Variants in ZNF423 observed in about 807,000 individuals in gnomAD.
The protein encoded by ZNF423 is zinc finger protein 423.
A neutral mutation model predicts 95.8 loss-of-function variants in ZNF423; 12 were observed. That is an observed-to-expected ratio of 0.13 (90% CI 0.08 to 0.20). The LOEUF is 0.20. Among genes scored for constraint, ZNF423 ranks in the 10% least tolerant of loss-of-function variants. The pLI is 1.00. For missense variants in ZNF423, 1,316 were observed against 1,737.1 expected (o/e 0.76, Z 4.31); for synonymous variants, 749 against 711.9 (o/e 1.05, Z -0.83).
intron 2 of ZNF423, among the ~76,000 whole-genome samples, chr16:49,758,624 C>T (rs1027545347): frequency 6.6e-6 from 1 of 152,082 alleles, no homozygotes; most frequent in African/African-American, 2.4e-5. Context: ...CACCTGCAGT[C>T]CCAGCTACTA....
At chr16:49,579,433 G>A (rs1210370928) in intron 5 of ZNF423, among the ~76,000 whole-genome samples, 3 of 152,200 alleles carry the variant, frequency 2.0e-5, no homozygotes, top group South Asian at 2.1e-4. Flanking sequence ...CCTGTCAAGC[G>A]TCCACCCTGA....
intron 3 of ZNF423, among the ~76,000 whole-genome samples, chr16:49,675,088 T>C (rs1446925473): frequency 6.6e-6 from 1 of 152,208 alleles, no homozygotes; most frequent in Non-Finnish European, 1.5e-5. Flanking sequence ...TCATGCAACA[T>C]GACCAGGGTT....
chr16:49,725,118 G>A (rs1021308837), intron 3 of ZNF423, among the ~76,000 whole-genome samples: 1 of 152,166 alleles, frequency 6.6e-6, no homozygotes, highest in African/African-American at 2.4e-5. Flanking sequence ...GAGGACGAAT[G>A]GTAGAAAATA....
Position 49,636,112 on chromosome 16 carries a change from G to A in ZNF423, c.3064C>T (p.Arg1022Cys), listed in dbSNP as rs1972689401. 1.9e-6 allele frequency: 3 copies of A among 1,613,782 alleles called. No homozygotes were observed. Among genetic ancestry groups the A allele is most frequent in the African/African-American group, 2.7e-5 (2 of 74,932 alleles). ...CAGCGGAAGCCCGTGAGTGAGTTGC[G>A]CAGGTCAGGGTGCATCTGGCAGTGC... ...IEHCQMHPDL[R>C]NSLTGFRCVV... Residue 1022 changes from arginine to cysteine, a missense_variant, in exon 4 of 8, where the codon CGC becomes TGC. Physicochemically the swap from Arg to Cys is radical, Grantham distance 180. Around this residue, in one of 6 missense-constraint regions of ZNF423, gnomAD observed 620 missense variants for 775.6 expected, o/e 0.80. Transcript: ENST00000563137. The surrounding 1 kb of genome is among the most constrained non-coding windows in gnomAD (Gnocchi z 8.6).
At chr16:49,730,579 C>T (rs918603064) in intron 3 of ZNF423, 192 bp downstream of exon 3, 8 of 647,614 alleles carry the variant, frequency 1.2e-5, no homozygotes, top group South Asian at 4.0e-5. Flanking sequence ...TCCTGCCTGC[C>T]GGAAAGCTGT....
intron 2 of ZNF423, among the ~76,000 whole-genome samples, chr16:49,774,973 T>C (rs2034096420): frequency 6.6e-6 from 1 of 152,088 alleles, no homozygotes; most frequent in African/African-American, 2.4e-5. Context: ...AAGAAACCCA[T>C]TCAATTGCAC....
intron 5 of ZNF423, among the ~76,000 whole-genome samples, chr16:49,566,929 T>C (rs1369019869): frequency 6.6e-6 from 1 of 151,968 alleles, no homozygotes; most frequent in Non-Finnish European, 1.5e-5. Context: ...GGAGAGCCAT[T>C]TGTCCTAAAA....
intron 5 of ZNF423, among the ~76,000 whole-genome samples, chr16:49,605,922 A>G (rs1971522877): frequency 6.6e-6 from 1 of 152,210 alleles, no homozygotes; most frequent in South Asian, 2.1e-4. Context: ...TGTTTCCCCA[A>G]CCTCTACCTG....
Position 49,815,545 on chromosome 16 carries a change from C to G in ZNF423, c.41-25999G>C, listed in dbSNP as rs77582374. 6.2e-4 allele frequency among the ~76,000 whole-genome samples: 94 copies of G among 152,210 alleles called. 1 individual carries two copies. The highest frequency in any genetic ancestry group is 2.0e-3 in the African/African-American group (81 of 41,538). ...GACGGGTGCCAAGTCACACAGCAAA[C>G]AGGAGGCAGGGCTGGTCCAGGAGCT... On this transcript the variant is annotated intron_variant, in intron 1 of 7. Coordinates refer to ENST00000563137, the MANE Select transcript of ZNF423 (RefSeq NM_001379286.1).
intron 1 of ZNF423, among the ~76,000 whole-genome samples, chr16:49,848,981 A>G (rs2035274277): frequency 6.6e-6 from 1 of 152,220 alleles, no homozygotes; most frequent in African/African-American, 2.4e-5. Context: ...AGGGAGGGAC[A>G]GAAGATAGGG....
intron 7 of ZNF423, among the ~76,000 whole-genome samples, chr16:49,499,687 A>G (rs1967314037): frequency 6.6e-6 from 1 of 152,182 alleles, no homozygotes; most frequent in Non-Finnish European, 1.5e-5. Flanking sequence ...CAAAAGACCA[A>G]CGCAGGTGGC....
Position 49,626,181 on chromosome 16 carries a change from T to G in ZNF423, c.3590A>C (p.Asn1197Thr). ...AAATGCTCTCTTACCAATCATGTGG[T>G]TGGCAACGTGGATTTGGATCTCTCT... ...NEREIQIHVA[N>T]HMIEEGINHE... Residue 1197 changes from asparagine to threonine, a missense_variant, in exon 5 of 8, where the codon AAC becomes ACC. Asn to Thr is a moderately conservative substitution (Grantham distance 65). Coordinates refer to ENST00000563137, the MANE Select transcript of ZNF423 (RefSeq NM_001379286.1). 1 of 1,614,014 alleles carries G rather than the reference T, an allele frequency of 6.2e-7. No homozygotes were observed. Among genetic ancestry groups the G allele is most frequent in the Non-Finnish European group, 8.5e-7 (1 of 1,179,920 alleles).
intron 1 of ZNF423, among the ~76,000 whole-genome samples, chr16:49,831,373 C>A (rs1164954063): frequency 6.6e-6 from 1 of 152,104 alleles, no homozygotes; most frequent in Non-Finnish European, 1.5e-5. Context: ...ATTGGAGAAA[C>A]AAATCATATA....
intron 1 of ZNF423, among the ~76,000 whole-genome samples, chr16:49,852,891 AGT>A (rs545017061): frequency 6.6e-6 from 1 of 152,264 alleles, no homozygotes; most frequent in East Asian, 1.9e-4. Flanking sequence ...TGTGTCCGTG[AGT>A]GGGAAGTGAG....
chr16:49,626,979 T>TACATACCC (rs1215670865), intron 4 of ZNF423, among the ~76,000 whole-genome samples: 1 of 71,494 alleles, frequency 1.4e-5, no homozygotes, highest in Non-Finnish European at 2.4e-5. Context: ...TCCATCCATA[T>TACATACCC]ACCCATCCAT....
Position 49,603,496 on chromosome 16 carries a change from G to A in ZNF423, c.3601+22674C>T, listed in dbSNP as rs1861654. 0.23 allele frequency among the ~76,000 whole-genome samples: 34,818 copies of A among 151,850 alleles called. 4,528 individuals are homozygous for A. The highest frequency in any genetic ancestry group is 0.35 in the African/African-American group (14,672 of 41,346). ...GTGATCTCAGCTTGCTGCGACCTCC[G>A]CCTCCCGGGTTCAAGTGATTCTCCT... is the stretch of plus-strand genomic sequence containing the variant. On this transcript the variant is annotated intron_variant, in intron 5 of 7. Transcript: ENST00000563137. The surrounding 1 kb of genome is among the most constrained non-coding windows in gnomAD (Gnocchi z 4.1).
intron 3 of ZNF423, among the ~76,000 whole-genome samples, chr16:49,699,743 C>A (rs562850536): frequency 1.3e-5 from 2 of 152,300 alleles, no homozygotes; most frequent in African/African-American, 4.8e-5. Context: ...ACCATGCCAT[C>A]CCCACTGGAT....
rs544867462 is a variant in ZNF423, at chr16:49,544,787, C to T, written c.3602-19293G>A. Reference sequence around the variant, plus strand: ...AGGGCTTTTGCCCTTGCTGGGCTCACAGTCTACAGGCATCAGACATCAAGA... The same window carrying T: ...AGGGCTTTTGCCCTTGCTGGGCTCATAGTCTACAGGCATCAGACATCAAGA... On this transcript the variant is annotated intron_variant, in intron 5 of 7. Transcript: ENST00000563137. Among the ~76,000 whole-genome samples, 20 of 152,370 alleles carry T rather than the reference C, an allele frequency of 1.3e-4. No individual in the cohort carries two copies. The South Asian group carries it at 2.1e-3, about 16-fold the overall frequency.
intron 3 of ZNF423, among the ~76,000 whole-genome samples, chr16:49,720,861 C>A (rs145079309): frequency 1.3e-5 from 2 of 152,218 alleles, no homozygotes; most frequent in African/African-American, 4.8e-5. Context: ...GCCCTGATTC[C>A]CCGCACCCAA....
Sources: gnomAD v4.1 joint callset for allele counts (sites outside exome capture counted in the v4.1 genomes callset) on GRCh38, gnomAD v4.1.1 for gene constraint, gnomAD v4.1.1 regional missense constraint, Gnocchi (gnomAD v3.1) non-coding constraint, MANE v1.5 for transcripts, NCBI Gene and HGNC (gene_info 2026-07-23, HGNC 2026-07-21) for gene names.